Variants in SUFU observed in about 807,000 individuals in gnomAD.
The protein encoded by SUFU is suppressor of fused homolog.
Under a neutral mutation model 58.9 loss-of-function variants are expected in SUFU, and 7 were observed. The observed-to-expected ratio is 0.12, with a 90% CI of 0.07 to 0.22. The LOEUF is 0.22. Among genes scored for constraint, SUFU ranks in the 10% least tolerant of loss-of-function variants. The probability of loss-of-function intolerance (pLI) is 1.00; values close to 1 mark genes in which losing one functional copy is unlikely to be tolerated. For synonymous variants in SUFU, 232 were observed against 254.8 expected (o/e 0.91, Z 0.85); for missense variants, 451 against 641.3 (o/e 0.70, Z 3.20).
At chr10:102,571,505 A>AAAC (rs113248893) in intron 3 of SUFU, among the ~76,000 whole-genome samples, 1 of 151,850 alleles carries the variant, frequency 6.6e-6, no homozygotes, top group Non-Finnish European at 1.5e-5. Context: ...TCTCTACTAA[A>AAAC]AAACAAACAA....
chr10:102,543,662 G>A (rs2062825602), intron 2 of SUFU, among the ~76,000 whole-genome samples: 1 of 152,220 alleles, frequency 6.6e-6, no homozygotes, highest in South Asian at 2.1e-4. Context: ...GACATTTGAT[G>A]TAAGTATAAT....
intron 3 of SUFU, among the ~76,000 whole-genome samples, chr10:102,588,650 G>A (rs915162747): frequency 2.0e-5 from 3 of 152,148 alleles, no homozygotes; most frequent in Admixed American, 6.5e-5. Flanking sequence ...GTGAATTACT[G>A]CAAACAGCAT....
intron 3 of SUFU, among the ~76,000 whole-genome samples, chr10:102,573,455 A>G (rs1348107931): frequency 6.6e-6 from 1 of 152,258 alleles, no homozygotes. Context: ...AAATGGAATT[A>G]CTGTATGATC....
chr10:102,547,712 CTT>C (rs2062868161), intron 2 of SUFU, among the ~76,000 whole-genome samples: 1 of 152,060 alleles, frequency 6.6e-6, no homozygotes, highest in Admixed American at 6.6e-5. Flanking sequence ...GTTCCAGCTA[CTT>C]GGGAGGTTGA....
At chr10:102,550,227 A>G (rs1446285028) in intron 3 of SUFU, 121 bp downstream of exon 3, 22 of 1,461,176 alleles carry the variant, frequency 1.5e-5, no homozygotes, top group Admixed American at 1.9e-5. Context: ...CTATGCCCCA[A>G]TTCTACCATG....
intron 3 of SUFU, among the ~76,000 whole-genome samples, chr10:102,562,539 A>G (rs1391537220): frequency 6.6e-6 from 1 of 151,830 alleles, no homozygotes; most frequent in Non-Finnish European, 1.5e-5. Flanking sequence ...AACAACAACA[A>G]CAACAACAAC....
chr10:102,557,666 G>A (rs1341500393), intron 3 of SUFU, among the ~76,000 whole-genome samples: 1 of 152,120 alleles, frequency 6.6e-6, no homozygotes, highest in Non-Finnish European at 1.5e-5. Flanking sequence ...ATTGGCTCAG[G>A]TGACTGGGAC....
upstream of SUFU, among the ~76,000 whole-genome samples, chr10:102,503,002 G>C (rs1389039869): frequency 6.6e-6 from 1 of 152,162 alleles, no homozygotes; most frequent in Non-Finnish European, 1.5e-5. Flanking sequence ...TAGTCTTCTC[G>C]AGTACTTGTC....
intron 7 of SUFU, among the ~76,000 whole-genome samples, chr10:102,599,047 G>A: frequency 6.6e-6 from 1 of 152,172 alleles, no homozygotes; most frequent in East Asian, 1.9e-4. Context: ...CCCATTCATG[G>A]CAGGGTGCTT....
chr10:102,517,472 C>T (rs1215435921), intron 2 of SUFU, among the ~76,000 whole-genome samples: 2 of 152,068 alleles, frequency 1.3e-5, no homozygotes, highest in Non-Finnish European at 2.9e-5. Flanking sequence ...CGGGATTTTT[C>T]CCTGTTCAGC....
intron 3 of SUFU, among the ~76,000 whole-genome samples, chr10:102,565,042 G>A (rs890962278): frequency 6.6e-6 from 1 of 152,188 alleles, no homozygotes; most frequent in Admixed American, 6.6e-5. Context: ...AACCCTGAGA[G>A]CAGAGGTTGG....
rs917517555 is a variant in SUFU at position 102,629,194 on chromosome 10, C to T, written c.1366-872C>T. The stretch of plus-strand genomic sequence containing the variant: ...AAAGACAGACCCTGTGTCTAAGTTC[C>T]GGTATCAGTCCCAGGCAGTGAGCAT... On this transcript the variant is annotated intron_variant, in intron 11 of 11. Transcript: ENST00000369902. This position sits in a 1 kb window ranked among gnomAD's most constrained non-coding sequence, Gnocchi z 4.7. Among the ~76,000 whole-genome samples the T allele has an allele frequency of 3.3e-5, 5 of 152,178 alleles. No homozygotes were observed. Among genetic ancestry groups the T allele is most frequent in the South Asian group, 2.1e-4 (1 of 4,826 alleles).
At chr10:102,604,223 G>A (rs2063541422) in intron 8 of SUFU, among the ~76,000 whole-genome samples, 2 of 152,206 alleles carry the variant, frequency 1.3e-5, no homozygotes, top group African/African-American at 2.4e-5. Context: ...CTGATGAGAG[G>A]AACAGCCCAG....
intron 3 of SUFU, among the ~76,000 whole-genome samples, chr10:102,576,822 C>T (rs2063216316): frequency 6.6e-6 from 1 of 152,122 alleles, no homozygotes; most frequent in Non-Finnish European, 1.5e-5. Context: ...ATCCTCAAGC[C>T]TCAGCCTCCC....
chr10:102,528,905 G>T (rs189515233), intron 2 of SUFU, among the ~76,000 whole-genome samples: 1 of 151,664 alleles, frequency 6.6e-6, no homozygotes, highest in Non-Finnish European at 1.5e-5. Flanking sequence ...AGCCTTATTG[G>T]ACTCCCAGGT....
intron 8 of SUFU, among the ~76,000 whole-genome samples, chr10:102,603,616 T>G (rs1156406119): frequency 6.6e-6 from 1 of 152,110 alleles, no homozygotes; most frequent in African/African-American, 2.4e-5. Flanking sequence ...CAGCAGCTTT[T>G]AAGACCTTTA....
intron 3 of SUFU, among the ~76,000 whole-genome samples, chr10:102,553,704 C>A (rs924997813): frequency 6.6e-6 from 1 of 151,958 alleles, no homozygotes; most frequent in Non-Finnish European, 1.5e-5. Context: ...ACCTCGTGAT[C>A]CGCCCGCCTC....
At chr10:102,551,473 A>C (rs1298755053) in intron 3 of SUFU, among the ~76,000 whole-genome samples, 1 of 151,844 alleles carries the variant, frequency 6.6e-6, no homozygotes, top group Non-Finnish European at 1.5e-5. Context: ...CCCTGTGTCT[A>C]CTGAAAATAC....
At chr10:102,535,433 C>T (rs1354435424) in intron 2 of SUFU, among the ~76,000 whole-genome samples, 4 of 151,624 alleles carry the variant, frequency 2.6e-5, no homozygotes, top group African/African-American at 7.3e-5. Context: ...TTGCAGTGAG[C>T]CCAGATTGCA....
Sources: allele counts gnomAD v4.1 joint callset (sites outside exome capture counted in the v4.1 genomes callset), GRCh38; gene constraint gnomAD v4.1.1; non-coding constraint Gnocchi (gnomAD v3.1); transcripts MANE v1.5; gene names NCBI Gene and HGNC (gene_info 2026-07-23, HGNC 2026-07-21).